DLGAP1: variants seen among roughly 807,000 people sequenced by gnomAD.
DLGAP1 encodes the protein DLG associated protein 1.
DLGAP1 carries 11 observed loss-of-function variants against 90.8 expected under a neutral mutation model. The ratio of observed to expected loss-of-function variants is 0.12; its 90% CI spans 0.08 to 0.20. The LOEUF is 0.20. Ranked by LOEUF, DLGAP1 falls within the 10% of genes least tolerant of loss-of-function variation. The pLI is 1.00. For synonymous variants in DLGAP1, 558 were observed against 540.7 expected, an observed-to-expected ratio of 1.03 and a Z score of -0.44; for missense variants, 1,050 against 1,333.8, an observed-to-expected ratio of 0.79 and a Z score of 3.31.
intron 6 of DLGAP1, among the ~76,000 whole-genome samples, chr18:3,733,368 T>C (rs1437266399): frequency 6.6e-6 from 1 of 152,230 alleles, no homozygotes; most frequent in African/African-American, 2.4e-5. Context: ...GTAGAAACTG[T>C]ACTTTGAATT....
chr18:4,421,089 G>A (rs1338273681), intron 1 of DLGAP1, among the ~76,000 whole-genome samples: 1 of 152,144 alleles, frequency 6.6e-6, no homozygotes, highest in African/African-American at 2.4e-5. Context: ...CACAAACCAG[G>A]TGTCTTAAAA....
At chr18:4,141,635 T>A (rs2144313275) in intron 2 of DLGAP1, among the ~76,000 whole-genome samples, 1 of 152,116 alleles carries the variant, frequency 6.6e-6, no homozygotes, top group African/African-American at 2.4e-5. Context: ...CACTTTTAGG[T>A]GTTTAAACAT....
At chr18:3,821,796 TG>T in intron 4 of DLGAP1, 1 of 575,984 alleles carries the variant, frequency 1.7e-6, no homozygotes, top group Non-Finnish European at 2.2e-6. Context: ...GGCTCCACCC[TG>T]GACTTTAGGT....
chr18:3,550,453 T>G (rs1275127082), intron 9 of DLGAP1, among the ~76,000 whole-genome samples: 2 of 152,072 alleles, frequency 1.3e-5, no homozygotes, highest in African/African-American at 4.8e-5. Flanking sequence ...CTGGAACTCC[T>G]AGACTCAAGC....
At chr18:3,652,501 C>G (rs2146468593) in intron 7 of DLGAP1, among the ~76,000 whole-genome samples, 1 of 135,302 alleles carries the variant, frequency 7.4e-6, no homozygotes, top group East Asian at 2.1e-4. Context: ...CTAACTTTTA[C>G]AAAATATTTT....
chr18:4,182,238 A>C (rs1037505408), intron 1 of DLGAP1, among the ~76,000 whole-genome samples: 3 of 152,162 alleles, frequency 2.0e-5, no homozygotes, highest in African/African-American at 7.2e-5. Context: ...ATTAAGAACA[A>C]GCAGAAGCAG....
chr18:3,584,718 C>A (rs2055771318), intron 7 of DLGAP1, among the ~76,000 whole-genome samples: 1 of 152,146 alleles, frequency 6.6e-6, no homozygotes. Context: ...CCCAGGAGAA[C>A]TTCCCATCTA....
At chr18:3,982,703 G>A (rs1296126905) in intron 3 of DLGAP1, among the ~76,000 whole-genome samples, 6 of 152,038 alleles carry the variant, frequency 3.9e-5, no homozygotes, top group African/African-American at 1.5e-4. Context: ...TCTCCAGCTG[G>A]TTTGGAAGCT....
At chr18:4,357,037 AG>A (rs927658223) in intron 1 of DLGAP1, among the ~76,000 whole-genome samples, 165 of 151,618 alleles carry the variant, frequency 1.1e-3, no homozygotes, top group African/African-American at 3.8e-3. Context: ...TGTTCTCCAA[AG>A]GACTCATCAT....
intron 1 of DLGAP1, among the ~76,000 whole-genome samples, chr18:4,274,670 T>C (rs1704199932): frequency 6.6e-6 from 1 of 152,202 alleles, no homozygotes; most frequent in African/African-American, 2.4e-5. Flanking sequence ...TGCAGAAACT[T>C]GCACTTGTAA....
chr18:3,918,428 G>A (rs1279364618), intron 3 of DLGAP1, among the ~76,000 whole-genome samples: 8 of 152,132 alleles, frequency 5.3e-5, no homozygotes, highest in African/African-American at 1.4e-4. Context: ...TGTGCTAGAC[G>A]TTTTCCAGGC....
chr18:3,926,579 T>C (rs186366135), intron 3 of DLGAP1, among the ~76,000 whole-genome samples: 249 of 152,064 alleles, frequency 1.6e-3, no homozygotes, highest in Non-Finnish European at 2.7e-3. Flanking sequence ...TATATATATA[T>C]ACACATATAT....
rs1057317349 is a variant in DLGAP1 at position 3,666,837 on chromosome 18, A to G, written c.1591+62298T>C. The stretch of plus-strand genomic sequence containing the variant: ...AGTGGTGCAATCATAGCTCACTGCA[A>G]TCTTGAACTCCTAGGCTCAAGGGAG... On this transcript the variant is annotated intron_variant, in intron 7 of 12. Coordinates refer to ENST00000315677, the MANE Select transcript of DLGAP1 (RefSeq NM_004746.4). 5.3e-5 allele frequency among the ~76,000 whole-genome samples: 8 copies of G among 152,110 alleles called. No individual in the cohort carries two copies. In the East Asian group the frequency reaches 1.5e-3, roughly 29 times the overall value.
chr18:4,033,737 C>A (rs2149134048), intron 2 of DLGAP1, among the ~76,000 whole-genome samples: 1 of 148,736 alleles, frequency 6.7e-6, no homozygotes, highest in South Asian at 2.1e-4. Flanking sequence ...TGAAGTTTAG[C>A]AACTTTTTTT....
At chr18:3,718,829 G>C (rs1003671952) in intron 7 of DLGAP1, among the ~76,000 whole-genome samples, 4 of 151,546 alleles carry the variant, frequency 2.6e-5, no homozygotes, top group South Asian at 4.2e-4. Context: ...AGGAGGCTGA[G>C]GCAGGAGAAT....
intron 5 of DLGAP1, among the ~76,000 whole-genome samples, chr18:3,765,381 T>A (rs111990406): frequency 6.6e-6 from 1 of 150,416 alleles, no homozygotes; most frequent in South Asian, 2.1e-4. Flanking sequence ...CTGCCCACCT[T>A]GGCCTCCCAA....
intron 2 of DLGAP1, among the ~76,000 whole-genome samples, chr18:4,129,574 A>G (rs560070536): frequency 6.6e-6 from 1 of 152,234 alleles, no homozygotes; most frequent in South Asian, 2.1e-4. Context: ...TTCTAAGACT[A>G]CAAGGAACAC....
chr18:4,160,260 T>TA (rs1186615384), intron 1 of DLGAP1, among the ~76,000 whole-genome samples: 2 of 152,210 alleles, frequency 1.3e-5, no homozygotes, highest in African/African-American at 4.8e-5. Context: ...CTCCATGTCT[T>TA]ACATTTGCAA....
intron 1 of DLGAP1, among the ~76,000 whole-genome samples, chr18:4,386,813 G>A (rs2082238638): frequency 6.6e-6 from 1 of 152,142 alleles, no homozygotes; most frequent in Non-Finnish European, 1.5e-5. Context: ...AGAAAGTAGG[G>A]CTATGTTTAG....
Sources: allele counts gnomAD v4.1 joint callset (sites outside exome capture counted in the v4.1 genomes callset), GRCh38; gene constraint gnomAD v4.1.1; transcripts MANE v1.5; gene names NCBI Gene and HGNC (gene_info 2026-07-23, HGNC 2026-07-21).